ABI1: variants seen among roughly 807,000 people sequenced by gnomAD.
ABI1 encodes abl interactor 1, also known as Abelson interactor 1.
In ABI1, 14 loss-of-function variants were observed where a neutral mutation model predicts 54.6. The ratio of observed to expected loss-of-function variants is 0.26; its 90% CI spans 0.17 to 0.40. ABI1 has a LOEUF of 0.40. Among genes scored for constraint, ABI1 ranks in the 10% least tolerant of loss-of-function variants. The probability of loss-of-function intolerance (pLI) is 1.00; values close to 1 mark genes in which losing one functional copy is unlikely to be tolerated. For synonymous variants in ABI1, 194 were observed against 209.3 expected, an observed-to-expected ratio of 0.93 and a Z score of 0.63; for missense variants, 443 against 598.3, an observed-to-expected ratio of 0.74 and a Z score of 2.71.
In ABI1 at chr10:26,747,545, A is replaced by T. The variant is rs1837081870; in HGVS notation, c.*1025T>A. ...TAAAAGGTACTTTTAACTTCCTTTC[A>T]TTGAACCAGTGTACAACAGTTCACT... is the stretch of plus-strand genomic sequence containing the variant. On this transcript the variant is annotated 3_prime_UTR_variant, in exon 11 of 11. Coordinates refer to ENST00000376140, the MANE Select transcript of ABI1 (RefSeq NM_001012750.3). The T allele has an allele frequency of 4.9e-6, 1 of 203,916 alleles. No homozygotes were observed. Among genetic ancestry groups the T allele is most frequent in the Non-Finnish European group, 1.0e-5 (1 of 99,438 alleles). The allele number at this position is 203,916 out of a possible 1,614,324, so 12.6% of individuals were successfully genotyped here.
chr10:26,771,706 ACTCT>A (rs1195975498), intron 3 of ABI1, among the ~76,000 whole-genome samples: 1 of 152,092 alleles, frequency 6.6e-6, no homozygotes, highest in Non-Finnish European at 1.5e-5. Context: ...GGTCTGGAAA[ACTCT>A]CTCATTCCTA....
At chr10:26,824,259 T>A (rs1257906649) in intron 1 of ABI1, among the ~76,000 whole-genome samples, 1 of 152,094 alleles carries the variant, frequency 6.6e-6, no homozygotes, top group Non-Finnish European at 1.5e-5. Context: ...TATACAAAAG[T>A]CTGACAAGAC....
intron 1 of ABI1, among the ~76,000 whole-genome samples, chr10:26,830,153 C>A (rs2182293): frequency 0.57 from 86,421 of 152,034 alleles, 26,515 homozygotes; most frequent in African/African-American, 0.81. Context: ...TGGATGTATC[C>A]TAATTTGTTT....
Position 26,818,293 on chromosome 10 carries a change from T to G in ABI1, c.285+4845A>C, listed in dbSNP as rs374657918. On this transcript the variant is annotated intron_variant, in intron 2 of 10. Coordinates refer to ENST00000376140, the MANE Select transcript of ABI1 (RefSeq NM_001012750.3). ...ATATAAAGGAATTAATTTCCTCATATTAAATCTCATTCAAAGCTAGTTGCT... is the reference window on the plus strand; with the variant it reads ...ATATAAAGGAATTAATTTCCTCATAGTAAATCTCATTCAAAGCTAGTTGCT... Among the ~76,000 whole-genome samples, 183 of 151,186 alleles carry G rather than the reference T, an allele frequency of 1.2e-3. 2 individuals carry two copies. The South Asian group carries it at 0.016, about 13-fold the overall frequency.
chr10:26,796,158 G>A (rs1844129914), intron 2 of ABI1, among the ~76,000 whole-genome samples: 2 of 152,054 alleles, frequency 1.3e-5, no homozygotes, highest in Non-Finnish European at 2.9e-5. Flanking sequence ...TGGTTATTTT[G>A]GGGGGAAAGG....
intron 1 of ABI1, among the ~76,000 whole-genome samples, chr10:26,858,551 A>C (rs11015352): frequency 3.6e-4 from 52 of 144,134 alleles, no homozygotes; most frequent in East Asian, 8.4e-4. Flanking sequence ...AAAAAAAAAA[A>C]AAAAAAAAAA....
intron 3 of ABI1, among the ~76,000 whole-genome samples, chr10:26,771,913 T>C (rs975585861): frequency 6.6e-6 from 1 of 151,952 alleles, no homozygotes; most frequent in Non-Finnish European, 1.5e-5. Flanking sequence ...AAAGCATCAC[T>C]ACTTGTACAA....
At chr10:26,815,650 G>A (rs2047515279) in intron 2 of ABI1, among the ~76,000 whole-genome samples, 1 of 152,198 alleles carries the variant, frequency 6.6e-6, no homozygotes, top group Non-Finnish European at 1.5e-5. Context: ...GTTCACACCT[G>A]TAGTGCCAGC....
In ABI1 at chr10:26,860,728, G is replaced by A. The variant is rs1433297002; in HGVS notation, c.117+19C>T. The A allele has an allele frequency of 3.1e-6, 5 of 1,604,954 alleles. No homozygotes were observed. Among genetic ancestry groups the A allele is most frequent in the Non-Finnish European group, 4.3e-6 (5 of 1,172,152 alleles). On this transcript the variant is annotated intron_variant, in intron 1 of 10. Transcript: ENST00000376140. The surrounding 1 kb of genome is among the most constrained non-coding windows in gnomAD (Gnocchi z 4.1). ...GTCCTCGACCCGGCCAGCGCCCGCCGGCCGCCAGAGCGCCTCACCTGTATG... is the reference window on the plus strand; with the variant it reads ...GTCCTCGACCCGGCCAGCGCCCGCCAGCCGCCAGAGCGCCTCACCTGTATG...
chr10:26,817,012 G>GTGTGTGTGTGTC (rs2047614034), intron 2 of ABI1, among the ~76,000 whole-genome samples: 1 of 151,588 alleles, frequency 6.6e-6, no homozygotes, highest in South Asian at 2.1e-4. Flanking sequence ...GTGTGTGTGT[G>GTGTGTGTGTGTC]TGTGTGTGAC....
intron 2 of ABI1, among the ~76,000 whole-genome samples, chr10:26,807,349 C>T (rs1273494610): frequency 2.6e-5 from 4 of 151,914 alleles, no homozygotes; most frequent in African/African-American, 9.7e-5. Context: ...GTGGTGCATG[C>T]CTGTAGTCCC....
rs765629131 is a variant in ABI1, at chr10:26,770,318, C to T, written c.505G>A (p.Gly169Ser). 6.2e-7 allele frequency: 1 copy of T among 1,613,988 alleles called. No homozygotes were observed. Among genetic ancestry groups the T allele is most frequent in the East Asian group, 2.2e-5 (1 of 44,870 alleles). The stretch of plus-strand genomic sequence containing the variant: ...GGAGGATTTGTTCTCGACAGTGTGC[C>T]AGTTCTTGCAGGCTGGTTATTTCCA... Reference protein sequence around the residue: ...KHGNNQPARTGTLSRTNPPTQ... With the variant: ...KHGNNQPARTSTLSRTNPPTQ... Residue 169 changes from glycine (G) to serine (S), a missense_variant, in exon 5 of 11, where the codon GGC (glycine) becomes AGC (serine). This residue lies in a region of ABI1 where 394 missense variants were observed against 484.8 expected (regional missense o/e 0.81). Coordinates refer to ENST00000376140, the MANE Select transcript of ABI1 (RefSeq NM_001012750.3).
intron 1 of ABI1, among the ~76,000 whole-genome samples, chr10:26,851,713 G>A (rs181037662): frequency 9.2e-4 from 140 of 151,528 alleles, no homozygotes; most frequent in African/African-American, 3.0e-3. Flanking sequence ...TTAGCTAGGA[G>A]GAAGAATGTC....
intron 1 of ABI1, among the ~76,000 whole-genome samples, chr10:26,828,524 TCA>T (rs2048453597): frequency 6.6e-6 from 1 of 151,962 alleles, no homozygotes; most frequent in South Asian, 2.1e-4. Context: ...TGTAAATAAT[TCA>T]CACAATTATA....
chr10:26,835,799 T>C (rs2049029330), intron 1 of ABI1, among the ~76,000 whole-genome samples: 1 of 149,788 alleles, frequency 6.7e-6, no homozygotes, highest in African/African-American at 2.5e-5. Context: ...TTTTTGAGAC[T>C]GGGTCCAGGC....
chr10:26,759,379 G>A (rs1308414067), intron 7 of ABI1, 141 bp from the exon 8 acceptor site: 4 of 570,714 alleles, frequency 7.0e-6, no homozygotes, highest in South Asian at 4.8e-5. Flanking sequence ...AAAGAGAAAA[G>A]TAAAGATAAA....
rs60132421 is a variant in ABI1, at chr10:26,858,537, G to GA, written c.117+2209dup. On this transcript the variant is annotated intron_variant, in intron 1 of 10. Transcript: ENST00000376140. ...ACCCCACCCCGCCCCCACAAAAAAA[G>GA]AAAAAAAAAAAAAAAAAAAAAAAAA... is the stretch of plus-strand genomic sequence containing the variant. Among the ~76,000 whole-genome samples, 499 of 94,214 alleles carry GA rather than the reference G, an allele frequency of 5.3e-3. 16 individuals carry two copies. Among genetic ancestry groups the GA allele is most frequent in the Admixed American group, 0.019 (127 of 6,856 alleles). 61.8% of individuals were successfully genotyped at this position (94,214 alleles called of 152,430 possible). A position where few individuals can be genotyped will look rare whatever the true frequency, so the allele number is the denominator to read the frequency against.
At chr10:26,806,680 T>A (rs910929124) in intron 2 of ABI1, among the ~76,000 whole-genome samples, 1 of 152,214 alleles carries the variant, frequency 6.6e-6, no homozygotes, top group African/African-American at 2.4e-5. Context: ...TTTAAGATAG[T>A]TAGAATGGTT....
intron 1 of ABI1, among the ~76,000 whole-genome samples, chr10:26,857,643 C>CAAAAAA (rs372472533): frequency 2.4e-5 from 2 of 84,448 alleles, no homozygotes; most frequent in Non-Finnish European, 5.3e-5. Context: ...GACTGTGTCT[C>CAAAAAA]AAAAAAAAAA....
Sources: allele counts gnomAD v4.1 joint callset (sites outside exome capture counted in the v4.1 genomes callset), GRCh38; gene constraint gnomAD v4.1.1; regional missense constraint gnomAD v4.1.1; non-coding constraint Gnocchi (gnomAD v3.1); transcripts MANE v1.5; gene names NCBI Gene and HGNC (gene_info 2026-07-23, HGNC 2026-07-21).